Variants in MYT1L observed in about 807,000 individuals in gnomAD.
MYT1L encodes the protein myelin transcription factor 1 like, also known as myelin transcription factor 1-like protein.
Under a neutral mutation model 126.7 loss-of-function variants are expected in MYT1L, and 12 were observed. That is an observed-to-expected ratio of 0.09 (90% confidence interval 0.06 to 0.15). The LOEUF (loss-of-function observed/expected upper bound fraction) is 0.15, where lower values mean the gene tolerates loss of function less well. MYT1L is among the 10% of genes least tolerant of loss of function. The probability of loss-of-function intolerance (pLI) is 1.00; values close to 1 mark genes in which losing one functional copy is unlikely to be tolerated. For synonymous variants in MYT1L, 541 were observed against 604.2 expected (o/e 0.90, Z 1.53); for missense variants, 979 against 1,585.2 (o/e 0.62, Z 6.49).
chr2:2,294,378 G>C (rs1157435463), intron 1 of MYT1L, among the ~76,000 whole-genome samples: 2 of 152,128 alleles, frequency 1.3e-5, no homozygotes, highest in Non-Finnish European at 2.9e-5. Flanking sequence ...TAGAAAGAAT[G>C]GGGGAAGAGA....
Position 1,922,909 on chromosome 2 carries a change from T to C in MYT1L, c.860A>G (p.Asp287Gly), listed in dbSNP as rs2149108719. The C allele has an allele frequency of 1.2e-6, 2 of 1,614,060 alleles. No homozygotes were observed. Among genetic ancestry groups the C allele is most frequent in the Non-Finnish European group, 1.7e-6 (2 of 1,179,898 alleles). Residue 287 changes from aspartate (D) to glycine (G), a missense_variant, in exon 10 of 25, where the codon GAC (aspartate) becomes GGC (glycine). Around this residue, in one of 12 missense-constraint regions of MYT1L, gnomAD observed 243 missense variants for 363.9 expected, o/e 0.67. Transcript: ENST00000647738. This position sits in a 1 kb window ranked among gnomAD's most constrained non-coding sequence, Gnocchi z 7.4. Reference protein sequence around the residue: ...SENMNDRNYADSMSQQDSRNM... With the variant: ...SENMNDRNYAGSMSQQDSRNM... ...TCTACTGTCTTGCTGCGACATGCTG[T>C]CTGCATAATTTCTGTCATTCATGTT... is the stretch of plus-strand genomic sequence containing the variant.
intron 1 of MYT1L, among the ~76,000 whole-genome samples, chr2:2,313,435 T>C (rs2096008669): frequency 6.6e-6 from 1 of 152,170 alleles, no homozygotes; most frequent in Admixed American, 6.5e-5. Context: ...GCCTGGTTAA[T>C]TTAAGTGGGA....
At chr2:2,103,806 T>C (rs561099684) in intron 3 of MYT1L, among the ~76,000 whole-genome samples, 1 of 152,360 alleles carries the variant, frequency 6.6e-6, no homozygotes, top group East Asian at 1.9e-4. Context: ...CAAGCAGGTG[T>C]TGTCATGTCA....
At chr2:2,162,534 C>T (rs540076869) in intron 3 of MYT1L, among the ~76,000 whole-genome samples, 173 of 152,278 alleles carry the variant, frequency 1.1e-3, no homozygotes, top group Non-Finnish European at 1.9e-3. Flanking sequence ...CACAGGATGC[C>T]TGCACCTCCC....
chr2:2,075,558 C>T (rs959859957), intron 3 of MYT1L, among the ~76,000 whole-genome samples: 2 of 152,156 alleles, frequency 1.3e-5, no homozygotes, highest in Non-Finnish European at 2.9e-5. Context: ...GGCCACATGT[C>T]ATTGTAAGTA....
intron 10 of MYT1L, among the ~76,000 whole-genome samples, chr2:1,921,981 T>A (rs927667666): frequency 2.0e-5 from 3 of 152,212 alleles, no homozygotes; most frequent in Admixed American, 6.5e-5. Context: ...ACCCTAATAT[T>A]TTCTATCAAG....
intron 1 of MYT1L, among the ~76,000 whole-genome samples, chr2:2,293,143 C>A (rs2095623715): frequency 6.6e-6 from 1 of 152,270 alleles, no homozygotes; most frequent in African/African-American, 2.4e-5. Flanking sequence ...GGAAGTAAAG[C>A]CTCAAAACTG....
At chr2:2,054,537 A>C (rs2069238832) in intron 3 of MYT1L, among the ~76,000 whole-genome samples, 2 of 152,056 alleles carry the variant, frequency 1.3e-5, no homozygotes, top group South Asian at 4.1e-4. Context: ...GGGGATGATA[A>C]GACACGTGGA....
chr2:1,941,779 C>T (rs910592071), intron 9 of MYT1L, among the ~76,000 whole-genome samples: 1 of 151,948 alleles, frequency 6.6e-6, no homozygotes, highest in African/African-American at 2.4e-5. Context: ...TCTATCTGTG[C>T]CTGTGTATAT....
rs1412832772 is a variant in MYT1L, at chr2:1,791,193, A to G, written c.*674T>C. The stretch of plus-strand genomic sequence containing the variant: ...ATAAATTACTTATTTCATTTCTTAC[A>G]GTTAATCCATATGCCATTTCCTTGG... On this transcript the variant is annotated 3_prime_UTR_variant, in exon 25 of 25. Coordinates refer to ENST00000647738, the MANE Select transcript of MYT1L (RefSeq NM_001303052.2). This position sits in a 1 kb window ranked among gnomAD's most constrained non-coding sequence, Gnocchi z 6.0. The G allele has an allele frequency of 4.3e-6, 2 of 469,750 alleles. No homozygotes were observed. Among genetic ancestry groups the G allele is most frequent in the Non-Finnish European group, 8.8e-6 (2 of 226,842 alleles). 29.1% of individuals were successfully genotyped at this position (469,750 alleles called of 1,614,324 possible). A position where few individuals can be genotyped will look rare whatever the true frequency, so the allele number is the denominator to read the frequency against.
At chr2:2,175,694 T>A (rs2090662697) in intron 2 of MYT1L, among the ~76,000 whole-genome samples, 1 of 152,216 alleles carries the variant, frequency 6.6e-6, no homozygotes. Context: ...GACCCTTGCC[T>A]CGATACTGTC....
chr2:2,316,221 G>T (rs997659498), intron 1 of MYT1L, among the ~76,000 whole-genome samples: 2 of 152,024 alleles, frequency 1.3e-5, no homozygotes, highest in East Asian at 3.9e-4. Context: ...TCTCTATTTC[G>T]CTGGGATATT....
intron 18 of MYT1L, among the ~76,000 whole-genome samples, chr2:1,881,033 T>C (rs1220215925): frequency 6.6e-6 from 1 of 152,214 alleles, no homozygotes; most frequent in East Asian, 1.9e-4. Context: ...GGTTGTTTTG[T>C]TTTTGGCTGG....
At chr2:2,321,723 T>C (rs2096170787) in intron 1 of MYT1L, among the ~76,000 whole-genome samples, 1 of 152,100 alleles carries the variant, frequency 6.6e-6, no homozygotes, top group Non-Finnish European at 1.5e-5. Flanking sequence ...AAGACCCCCA[T>C]AAATTATTAA....
intron 3 of MYT1L, among the ~76,000 whole-genome samples, chr2:2,091,434 A>G (rs1253830444): frequency 6.6e-6 from 1 of 152,228 alleles, no homozygotes; most frequent in Non-Finnish European, 1.5e-5. Context: ...ACCATGCTGT[A>G]AACAGATGTG....
chr2:1,933,754 G>T (rs553175039), intron 9 of MYT1L, among the ~76,000 whole-genome samples: 3 of 152,212 alleles, frequency 2.0e-5, no homozygotes, highest in African/African-American at 7.2e-5. Context: ...AAGGTGACAG[G>T]ACATTCTGTG....
chr2:2,221,407 AG>A (rs2093867610), intron 2 of MYT1L, among the ~76,000 whole-genome samples: 1 of 152,136 alleles, frequency 6.6e-6, no homozygotes, highest in Non-Finnish European at 1.5e-5. Flanking sequence ...GTCTGCTCAG[AG>A]CTTGCAATGG....
At chr2:2,177,567 A>C (rs1041496149) in intron 2 of MYT1L, among the ~76,000 whole-genome samples, 1 of 152,192 alleles carries the variant, frequency 6.6e-6, no homozygotes, top group African/African-American at 2.4e-5. Flanking sequence ...CAAAGGAAAG[A>C]GGTTTAAATG....
chr2:1,907,324 G>A (rs1212990361), intron 13 of MYT1L, among the ~76,000 whole-genome samples: 1 of 152,068 alleles, frequency 6.6e-6, no homozygotes, highest in African/African-American at 2.4e-5. Flanking sequence ...GGAGTGGGAG[G>A]GGGCGGTGTG....
Sources: gnomAD v4.1 joint callset for allele counts (sites outside exome capture counted in the v4.1 genomes callset) on GRCh38, gnomAD v4.1.1 for gene constraint, gnomAD v4.1.1 regional missense constraint, Gnocchi (gnomAD v3.1) non-coding constraint, MANE v1.5 for transcripts, NCBI Gene and HGNC (gene_info 2026-07-23, HGNC 2026-07-21) for gene names.